CDH18: variants seen among roughly 807,000 people sequenced by gnomAD.
CDH18 encodes the protein cadherin-18.
Under a neutral mutation model 67.9 loss-of-function variants are expected in CDH18, and 31 were observed. The observed-to-expected ratio is 0.46, with a 90% CI of 0.34 to 0.62. CDH18 has a LOEUF of 0.62. CDH18 is among the 20% of genes least tolerant of loss of function. CDH18 has a pLI of 0.01. For missense variants in CDH18, 890 were observed against 975.5 expected, an observed-to-expected ratio of 0.91 and a Z score of 1.17; for synonymous variants, 362 against 347.2, an observed-to-expected ratio of 1.04 and a Z score of -0.48.
intron 2 of CDH18, among the ~76,000 whole-genome samples, chr5:20,082,223 T>A (rs566194052): frequency 6.6e-6 from 1 of 152,318 alleles, no homozygotes; most frequent in South Asian, 2.1e-4. Flanking sequence ...CTCCATTATT[T>A]ATATAAGACA....
chr5:20,196,403 C>G (rs1245084275), intron 2 of CDH18, among the ~76,000 whole-genome samples: 1 of 152,124 alleles, frequency 6.6e-6, no homozygotes, highest in African/African-American at 2.4e-5. Context: ...TGTTCAAGAG[C>G]ACACGGCTAA....
intron 6 of CDH18, among the ~76,000 whole-genome samples, chr5:19,603,555 A>G (rs961264782): frequency 6.6e-6 from 1 of 152,008 alleles, no homozygotes; most frequent in Admixed American, 6.6e-5. Context: ...TAAAATCAAA[A>G]TGAGAACAAC....
chr5:20,115,000 A>G (rs1219393135), intron 2 of CDH18, among the ~76,000 whole-genome samples: 1 of 152,142 alleles, frequency 6.6e-6, no homozygotes, highest in Non-Finnish European at 1.5e-5. Context: ...GGAAATGAGG[A>G]GAGTTTTATT....
chr5:19,992,124 T>C (rs1800019378), upstream of CDH18: 1 of 152,022 alleles, frequency 6.6e-6, no homozygotes, highest in South Asian at 2.1e-4. Flanking sequence ...TATGTGCAAT[T>C]AATTCTAAAA....
intron 1 of CDH18, among the ~76,000 whole-genome samples, chr5:20,521,606 G>T (rs1192342079): frequency 1.3e-5 from 2 of 152,072 alleles, no homozygotes; most frequent in Non-Finnish European, 2.9e-5. Flanking sequence ...GCAGATACAT[G>T]GGGCAGTAGT....
At chr5:19,748,181 A>G (rs1039755085) in intron 3 of CDH18, among the ~76,000 whole-genome samples, 3 of 143,514 alleles carry the variant, frequency 2.1e-5, no homozygotes, top group Non-Finnish European at 3.0e-5. Context: ...GGATTATAAA[A>G]CTTTAACTCA....
chr5:19,519,139 C>T (rs1417603718), intron 10 of CDH18, among the ~76,000 whole-genome samples: 6 of 152,018 alleles, frequency 3.9e-5, no homozygotes, highest in Non-Finnish European at 8.8e-5. Flanking sequence ...TGAGTGTAGC[C>T]CAATTTGTTA....
rs67594407 is a variant in CDH18 at position 20,539,733 on chromosome 5, TACACAC to T, written c.-580+35723_-580+35728del. The stretch of plus-strand genomic sequence containing the variant: ...TACCCCACTCCATCTCCACCACCAC[TACACAC>T]ACACACACACACACACAAACACACA... On this transcript the variant is annotated intron_variant, in intron 1 of 14. Coordinates refer to the CDH18 transcript ENST00000507958. 1.6e-4 allele frequency among the ~76,000 whole-genome samples: 23 copies of T among 146,760 alleles called. No homozygotes were observed. The South Asian group carries it at 2.2e-3, about 14-fold the overall frequency.
chr5:19,803,201 G>A (rs773232338), intron 3 of CDH18, among the ~76,000 whole-genome samples: 11 of 152,176 alleles, frequency 7.2e-5, no homozygotes, highest in Non-Finnish European at 1.6e-4. Flanking sequence ...GATGAAGTGA[G>A]TCTGACTTAA....
intron 7 of CDH18, among the ~76,000 whole-genome samples, chr5:19,585,465 A>G (rs140057378): frequency 6.6e-6 from 1 of 152,170 alleles, no homozygotes; most frequent in African/African-American, 2.4e-5. Context: ...ATTTGCTTCT[A>G]TCTTCTGTCC....
chr5:19,473,027 T>C lies in CDH18; in HGVS notation c.*199A>G, dbSNP rs975171511. 7.4e-6 allele frequency: 4 copies of C among 540,184 alleles called. No individual in the cohort carries two copies. Among genetic ancestry groups the C allele is most frequent in the Non-Finnish European group, 1.2e-5 (4 of 321,238 alleles). 33.5% of individuals were successfully genotyped at this position (540,184 alleles called of 1,614,324 possible). On this transcript the variant is annotated 3_prime_UTR_variant, in exon 13 of 13. Transcript: ENST00000382275. Reference sequence around the variant, plus strand: ...AGGAACAATAACTTTTTCTTTGTATTGTCTTTTTTTTTTTTTTTTTACTTT... The same window carrying C: ...AGGAACAATAACTTTTTCTTTGTATCGTCTTTTTTTTTTTTTTTTTACTTT...
At chr5:20,540,230 A>G (rs1240135911) in intron 1 of CDH18, among the ~76,000 whole-genome samples, 1 of 152,180 alleles carries the variant, frequency 6.6e-6, no homozygotes, top group African/African-American at 2.4e-5. Flanking sequence ...TACTTACCCT[A>G]TAGTTTTGCC....
At chr5:19,750,760 GCCC>G (rs55950427) in intron 3 of CDH18, among the ~76,000 whole-genome samples, 114,184 of 137,810 alleles carry the variant, frequency 0.83, 49,582 homozygotes, top group Non-Finnish European at 0.95. Context: ...ATACAGTGAA[GCCC>G]CCCCCCCCCC....
chr5:20,348,127 A>C (rs1740860308), intron 1 of CDH18, among the ~76,000 whole-genome samples: 1 of 152,186 alleles, frequency 6.6e-6, no homozygotes, highest in Admixed American at 6.5e-5. Flanking sequence ...CTACTCATGT[A>C]ATCTAGATCT....
chr5:19,911,485 A>G (rs1006497648), intron 2 of CDH18, among the ~76,000 whole-genome samples: 1 of 152,084 alleles, frequency 6.6e-6, no homozygotes, highest in African/African-American at 2.4e-5. Flanking sequence ...TTAACTGCCA[A>G]TTGGATGATA....
intron 3 of CDH18, among the ~76,000 whole-genome samples, chr5:19,823,810 T>A (rs896816555): frequency 6.6e-6 from 1 of 152,102 alleles, no homozygotes; most frequent in Non-Finnish European, 1.5e-5. Flanking sequence ...CACTCTAAGA[T>A]CAACCACATG....
At chr5:19,907,433 A>G (rs1394298256) in intron 2 of CDH18, among the ~76,000 whole-genome samples, 1 of 152,038 alleles carries the variant, frequency 6.6e-6, no homozygotes, top group Non-Finnish European at 1.5e-5. Context: ...CCTTATACAC[A>G]TAGCCTGGAG....
At position 19,721,410 on chromosome 5, in the gene CDH18, T is replaced by C; in HGVS notation, c.580A>G (p.Ser194Gly). The change falls in exon 5 of 13, where the codon AGC becomes GGC. Residue 194 changes from serine (S) to glycine (G), a missense_variant. This residue lies in a region of CDH18 where 234 missense variants were observed against 307.4 expected (regional missense o/e 0.76). Coordinates refer to ENST00000382275, the MANE Select transcript of CDH18 (RefSeq NM_004934.5). ...AGAATGCTGTAAACCACCCGAGCGC[T>C]GTTTCCATAGGTAGGGTCATCTGCA... ...TDADDPTYGN[S>G]ARVVYSILQG... 1 of 1,611,116 alleles carries C rather than the reference T, an allele frequency of 6.2e-7. No homozygotes were observed.
intron 1 of CDH18, among the ~76,000 whole-genome samples, chr5:20,391,847 A>G (rs924944292): frequency 6.6e-6 from 1 of 152,008 alleles, no homozygotes; most frequent in African/African-American, 2.4e-5. Flanking sequence ...ATTGAATAAG[A>G]AGTGGTATAA....
Sources: gnomAD v4.1 joint callset for allele counts (sites outside exome capture counted in the v4.1 genomes callset) on GRCh38, gnomAD v4.1.1 for gene constraint, gnomAD v4.1.1 regional missense constraint, MANE v1.5 for transcripts, NCBI Gene and HGNC (gene_info 2026-07-23, HGNC 2026-07-21) for gene names.